GHR: variants seen among roughly 807,000 people sequenced by gnomAD.
GHR encodes GH receptor.
Under a neutral mutation model 67.1 loss-of-function variants are expected in GHR, and 35 were observed. That is an observed-to-expected ratio of 0.52 (90% CI 0.40 to 0.69). The LOEUF is 0.69. Ranked by LOEUF, GHR falls within the 30% of genes least tolerant of loss-of-function variation. GHR has a pLI of 0.00. For synonymous variants in GHR, 272 were observed against 269.1 expected, an observed-to-expected ratio of 1.01 and a Z score of -0.10; for missense variants, 792 against 764.6, an observed-to-expected ratio of 1.04 and a Z score of -0.42.
chr5:42,671,820 G>C (rs1437746688), intron 3 of GHR, among the ~76,000 whole-genome samples: 1 of 151,730 alleles, frequency 6.6e-6, no homozygotes, highest in Admixed American at 6.6e-5. Context: ...GCCGGGCGTA[G>C]GGGCGGGCGC....
chr5:42,483,249 G>T (rs569087524), intron 1 of GHR, among the ~76,000 whole-genome samples: 3 of 152,164 alleles, frequency 2.0e-5, no homozygotes, highest in Middle Eastern at 3.4e-3. Context: ...CTGGGGTTTT[G>T]CCATGTTGCC....
intron 1 of GHR, among the ~76,000 whole-genome samples, chr5:42,463,765 G>A (rs1398172558): frequency 1.3e-5 from 2 of 151,744 alleles, no homozygotes; most frequent in South Asian, 2.1e-4. Context: ...AGGCCGAGGC[G>A]GGTGGATCAC....
chr5:42,536,677 A>G (rs574742465), intron 1 of GHR, among the ~76,000 whole-genome samples: 1 of 152,258 alleles, frequency 6.6e-6, no homozygotes, highest in South Asian at 2.1e-4. Context: ...TGCTGGCTTC[A>G]TAGAATGGAT....
intron 1 of GHR, among the ~76,000 whole-genome samples, chr5:42,441,375 A>G (rs1055276656): frequency 1.3e-5 from 2 of 152,220 alleles, no homozygotes; most frequent in Non-Finnish European, 2.9e-5. Flanking sequence ...ATGGGGGCAG[A>G]AGCCAGAATG....
chr5:42,504,368 G>C (rs1026199032), intron 1 of GHR, among the ~76,000 whole-genome samples: 14 of 152,146 alleles, frequency 9.2e-5, no homozygotes, highest in African/African-American at 2.9e-4. Flanking sequence ...AGAGTTGAGT[G>C]TAGGTAAATC....
At chr5:42,662,994 G>A (rs891148176) in intron 3 of GHR, among the ~76,000 whole-genome samples, 1 of 152,144 alleles carries the variant, frequency 6.6e-6, no homozygotes, top group Non-Finnish European at 1.5e-5. Context: ...AGAAAATCTA[G>A]AAGAAATGGA....
chr5:42,454,214 TAGACTCTGTG>T (rs1744166227), intron 1 of GHR, among the ~76,000 whole-genome samples: 1 of 152,222 alleles, frequency 6.6e-6, no homozygotes, highest in South Asian at 2.1e-4. Flanking sequence ...GATAGGGATG[TAGACTCTGTG>T]AGAATCCCTG....
At chr5:42,528,550 G>A (rs970322443) in intron 1 of GHR, among the ~76,000 whole-genome samples, 1 of 152,178 alleles carries the variant, frequency 6.6e-6, no homozygotes, top group Non-Finnish European at 1.5e-5. Flanking sequence ...TTCTTGAGAT[G>A]GAATCTACTC....
intron 2 of GHR, among the ~76,000 whole-genome samples, chr5:42,615,789 A>G (rs1414038423): frequency 6.6e-6 from 1 of 152,080 alleles, no homozygotes; most frequent in Non-Finnish European, 1.5e-5. Context: ...AAAGAAAATT[A>G]TGTGACTATA....
chr5:42,672,747 T>C (rs1647780964), intron 3 of GHR, among the ~76,000 whole-genome samples: 1 of 152,150 alleles, frequency 6.6e-6, no homozygotes, highest in Non-Finnish European at 1.5e-5. Flanking sequence ...ATAAGATATA[T>C]ATTATATCTC....
At chr5:42,620,390 C>G (rs146832799) in intron 2 of GHR, among the ~76,000 whole-genome samples, 62 of 152,168 alleles carry the variant, frequency 4.1e-4, no homozygotes, top group African/African-American at 1.3e-3. Flanking sequence ...TGTGATGGAT[C>G]AAAAGGAGAA....
intron 1 of GHR, among the ~76,000 whole-genome samples, chr5:42,512,590 C>G (rs1444272848): frequency 6.6e-6 from 1 of 152,096 alleles, no homozygotes; most frequent in Non-Finnish European, 1.5e-5. Context: ...CAGATAAGTG[C>G]CTGACATATA....
chr5:42,508,376 A>C (rs543379844), intron 1 of GHR, among the ~76,000 whole-genome samples: 20 of 152,216 alleles, frequency 1.3e-4, no homozygotes, highest in Non-Finnish European at 2.9e-4. Context: ...CAGGTGCATA[A>C]AAATGACTTG....
chr5:42,636,975 TATG>T (rs1327381193), intron 3 of GHR, among the ~76,000 whole-genome samples: 2 of 152,198 alleles, frequency 1.3e-5, no homozygotes, highest in Non-Finnish European at 2.9e-5. Context: ...GAAAATATAG[TATG>T]ATTTATAGGA....
intron 2 of GHR, among the ~76,000 whole-genome samples, chr5:42,576,217 A>G (rs2112531101): frequency 6.6e-6 from 1 of 152,018 alleles, no homozygotes; most frequent in East Asian, 1.9e-4. Context: ...TGCTACAGTG[A>G]CTTTGGTAGT....
chr5:42,676,222 T>G (rs948446617), intron 3 of GHR, among the ~76,000 whole-genome samples: 1 of 151,944 alleles, frequency 6.6e-6, no homozygotes, highest in African/African-American at 2.4e-5. Context: ...GAGGCGGAGG[T>G]TGCAGTGAGC....
intron 2 of GHR, among the ~76,000 whole-genome samples, chr5:42,594,180 C>A (rs1036374170): frequency 6.6e-6 from 1 of 152,162 alleles, no homozygotes; most frequent in Admixed American, 6.5e-5. Flanking sequence ...ACTTCTAGAC[C>A]AGCAGTTCCC....
At chr5:42,474,124 G>T (rs1014711840) in intron 1 of GHR, among the ~76,000 whole-genome samples, 1 of 151,574 alleles carries the variant, frequency 6.6e-6, no homozygotes, top group Non-Finnish European at 1.5e-5. Flanking sequence ...AGGAGGCAGA[G>T]GTAGTAGTGA....
rs78458815 is a variant in GHR at position 42,503,719 on chromosome 5, C to A, written c.-11-62145C>A. On this transcript the variant is annotated intron_variant, in intron 1 of 9. Coordinates refer to ENST00000230882, the MANE Select transcript of GHR (RefSeq NM_000163.5). ...GGGAAAAACAAAATAGGGTAAGGGG[C>A]TAGGTGGGGCAGGATCAGACCAAGG... is the stretch of plus-strand genomic sequence containing the variant. Among the ~76,000 whole-genome samples the A allele has an allele frequency of 3.1e-3, 478 of 152,106 alleles. 1 individual carries two copies. Among genetic ancestry groups the A allele is most frequent in the Middle Eastern group, 0.01 (3 of 294 alleles).
Sources: allele counts gnomAD v4.1 joint callset (sites outside exome capture counted in the v4.1 genomes callset), GRCh38; gene constraint gnomAD v4.1.1; transcripts MANE v1.5; gene names NCBI Gene and HGNC (gene_info 2026-07-23, HGNC 2026-07-21).